The following PLCH1 variants were observed in gnomAD, a reference collection of about 807,000 sequenced individuals.
PLCH1 encodes the protein 1-phosphatidylinositol 4,5-bisphosphate phosphodiesterase eta-1.
In PLCH1, 60 loss-of-function variants were observed where a neutral mutation model predicts 126.7. That is an observed-to-expected ratio of 0.47 (90% CI 0.38 to 0.59). The LOEUF is 0.59. Ranked by LOEUF, PLCH1 falls within the 20% of genes least tolerant of loss-of-function variation. The pLI, the probability that PLCH1 is intolerant of heterozygous loss-of-function variation, is 0.00. For missense variants in PLCH1, 1,723 were observed against 2,040.0 expected (o/e 0.84, Z 2.99); for synonymous variants, 719 against 734.9 (o/e 0.98, Z 0.35).
chr3:155,740,053 A>G (rs1749504142), intron 1 of PLCH1, among the ~76,000 whole-genome samples: 1 of 152,230 alleles, frequency 6.6e-6, no homozygotes, highest in Non-Finnish European at 1.5e-5. Context: ...GTACTTAGAC[A>G]TAGCGTGTGT....
At chr3:155,523,793 C>G (rs1721525716) in intron 11 of PLCH1, 104 bp downstream of exon 11, 1 of 669,880 alleles carries the variant, frequency 1.5e-6, no homozygotes, top group Admixed American at 2.7e-5. Flanking sequence ...CCTTTCTACA[C>G]CACAGCCACC....
intron 2 of PLCH1, among the ~76,000 whole-genome samples, chr3:155,625,163 G>A (rs7642974): frequency 0.49 from 73,777 of 151,916 alleles, 20,301 homozygotes; most frequent in African/African-American, 0.74. Context: ...TATTTAATAA[G>A]TGGTGTTGGG....
At chr3:155,606,066 A>G (rs1053400070) in intron 2 of PLCH1, among the ~76,000 whole-genome samples, 3 of 152,222 alleles carry the variant, frequency 2.0e-5, no homozygotes, top group Admixed American at 6.5e-5. Flanking sequence ...TTAAGAAAAA[A>G]GAGCTCTAGA....
chr3:155,508,559 C>G (rs1718986995), intron 12 of PLCH1, among the ~76,000 whole-genome samples: 1 of 140,206 alleles, frequency 7.1e-6, no homozygotes, highest in African/African-American at 2.8e-5. Flanking sequence ...GAGTTTTTAG[C>G]ATGAAGCTTG....
chr3:155,499,651 T>C (rs1014365883), intron 14 of PLCH1, among the ~76,000 whole-genome samples: 2 of 152,228 alleles, frequency 1.3e-5, no homozygotes, highest in Admixed American at 1.3e-4. Context: ...TGTATTGATG[T>C]CTCCTTTGCA....
At chr3:155,586,245 G>A in intron 4 of PLCH1, 51 bp from the exon 5 acceptor site, 1 of 1,590,720 alleles carries the variant, frequency 6.3e-7, no homozygotes, top group Non-Finnish European at 8.6e-7. Flanking sequence ...ATTAAAAACT[G>A]CTCTCTCACA....
At chr3:155,632,552 A>G (rs576614597) in intron 2 of PLCH1, among the ~76,000 whole-genome samples, 12 of 152,286 alleles carry the variant, frequency 7.9e-5, no homozygotes, top group African/African-American at 2.9e-4. Flanking sequence ...GCCTATGTCA[A>G]TTTAACTGTG....
At chr3:155,732,895 A>T (rs1748879877) in intron 1 of PLCH1, among the ~76,000 whole-genome samples, 1 of 151,694 alleles carries the variant, frequency 6.6e-6, no homozygotes, top group Admixed American at 6.6e-5. Flanking sequence ...AAAAAAAAAA[A>T]AAAAATCAGT....
intron 1 of PLCH1, among the ~76,000 whole-genome samples, chr3:155,735,119 G>A (rs1331029405): frequency 1.3e-5 from 2 of 152,126 alleles, no homozygotes; most frequent in African/African-American, 4.8e-5. Flanking sequence ...GACACAGAAA[G>A]ACAAATACCA....
intron 6 of PLCH1, among the ~76,000 whole-genome samples, chr3:155,578,483 C>G (rs1322145344): frequency 1.3e-5 from 2 of 152,172 alleles, no homozygotes; most frequent in Non-Finnish European, 2.9e-5. Flanking sequence ...TGGTTGCTGG[C>G]TACCAGCCCC....
chr3:155,538,340 A>G (rs1324955083), intron 10 of PLCH1, among the ~76,000 whole-genome samples: 1 of 152,188 alleles, frequency 6.6e-6, no homozygotes, highest in Non-Finnish European at 1.5e-5. Context: ...TCAAGGAACT[A>G]GAGAAACAAA....
chr3:155,589,178 C>A (rs359560), intron 4 of PLCH1, among the ~76,000 whole-genome samples: 2 of 152,036 alleles, frequency 1.3e-5, no homozygotes, highest in African/African-American at 4.8e-5. Flanking sequence ...TCCTATCTAG[C>A]ACAGGGGAGG....
At chr3:155,633,962 A>G (rs897008013) in intron 2 of PLCH1, among the ~76,000 whole-genome samples, 3 of 152,014 alleles carry the variant, frequency 2.0e-5, no homozygotes, top group African/African-American at 4.8e-5. Flanking sequence ...TCCTGACTCC[A>G]TCTTTTTTTT....
chr3:155,612,445 A>G (rs1158365019), intron 2 of PLCH1, among the ~76,000 whole-genome samples: 1 of 152,174 alleles, frequency 6.6e-6, no homozygotes, highest in East Asian at 1.9e-4. Context: ...GAGAAACAAG[A>G]ACAAACTAAA....
At position 155,620,856 on chromosome 3, in the gene PLCH1, T is replaced by C. The variant is rs148870604; in HGVS notation, c.80-24478A>G. 7.2e-3 allele frequency among the ~76,000 whole-genome samples: 1,096 copies of C among 152,326 alleles called. 5 individuals are homozygous for C. Among genetic ancestry groups the C allele is most frequent in the Middle Eastern group, 0.014 (4 of 294 alleles). On this transcript the variant is annotated intron_variant, in intron 2 of 22. Transcript: ENST00000460012. ...CAGCTTCAGCAGACTTAAACGTCCC[T>C]ACCTGACAGCCCTGAAGAGAGCAGC...
intron 10 of PLCH1, among the ~76,000 whole-genome samples, chr3:155,541,457 G>C (rs1235225344): frequency 6.6e-6 from 1 of 152,162 alleles, no homozygotes; most frequent in Admixed American, 6.5e-5. Flanking sequence ...GGCCATTGTA[G>C]GGTTATCAAC....
At chr3:155,678,878 CA>C (rs1454967354) in intron 2 of PLCH1, among the ~76,000 whole-genome samples, 1 of 152,146 alleles carries the variant, frequency 6.6e-6, no homozygotes, top group East Asian at 1.9e-4. Flanking sequence ...TTACCTTCAC[CA>C]ATCAGGTGAA....
At chr3:155,699,471 G>T (rs73876920) in intron 2 of PLCH1, among the ~76,000 whole-genome samples, 2,217 of 152,244 alleles carry the variant, frequency 0.015, 51 homozygotes, top group African/African-American at 0.05. Flanking sequence ...ACCTAGAAAA[G>T]GAGACTTATA....
At chr3:155,713,402 T>A (rs1407811322) in intron 1 of PLCH1, among the ~76,000 whole-genome samples, 1 of 152,228 alleles carries the variant, frequency 6.6e-6, no homozygotes, top group African/African-American at 2.4e-5. Context: ...AGATGGTGGA[T>A]GGCTACTTTG....
Sources: gnomAD v4.1 joint callset for allele counts (sites outside exome capture counted in the v4.1 genomes callset) on GRCh38, gnomAD v4.1.1 for gene constraint, MANE v1.5 for transcripts, NCBI Gene and HGNC (gene_info 2026-07-23, HGNC 2026-07-21) for gene names.